The following MED13L variants were observed in gnomAD, a reference collection of about 807,000 sequenced individuals.
The protein encoded by MED13L is mediator of RNA polymerase II transcription subunit 13-like.
A neutral mutation model predicts 220.9 loss-of-function variants in MED13L; 7 were observed. The ratio of observed to expected loss-of-function variants is 0.03; its 90% CI spans 0.02 to 0.06. The LOEUF (loss-of-function observed/expected upper bound fraction) is 0.06. Among genes scored for constraint, MED13L ranks in the 10% least tolerant of loss-of-function variants. The pLI is 1.00. For synonymous variants in MED13L, 1,011 were observed against 1,015.2 expected (o/e 1.00, Z 0.08); for missense variants, 1,965 against 2,760.5 (o/e 0.71, Z 6.46).
chr12:116,017,278 A>G lies in MED13L; in HGVS notation c.1009+1946T>C, dbSNP rs573845182. On this transcript the variant is annotated intron_variant, in intron 7 of 30. Coordinates refer to ENST00000281928, the MANE Select transcript of MED13L (RefSeq NM_015335.5). ...CTCTTGTTTCTGAATTATGACTATT[A>G]AGAGTTCTGAACTGACCAGAGGTCA... Among the ~76,000 whole-genome samples, 303 of 152,336 alleles carry G rather than the reference A, an allele frequency of 2.0e-3. 3 individuals carry two copies. Among genetic ancestry groups the G allele is most frequent in the Middle Eastern group, 0.01 (3 of 294 alleles).
intron 4 of MED13L, among the ~76,000 whole-genome samples, chr12:116,090,825 A>G (rs1872136893): frequency 6.6e-6 from 1 of 152,200 alleles, no homozygotes; most frequent in Non-Finnish European, 1.5e-5. Flanking sequence ...TCTCCAGTAT[A>G]TTAAAAAACA....
At chr12:116,045,430 T>C (rs368326159) in intron 4 of MED13L, among the ~76,000 whole-genome samples, 3 of 152,316 alleles carry the variant, frequency 2.0e-5, no homozygotes, top group Admixed American at 6.5e-5. Context: ...TAGCAGAGGC[T>C]GTACTCGGCT....
At chr12:116,126,228 A>G (rs1875574530) in intron 2 of MED13L, among the ~76,000 whole-genome samples, 1 of 152,218 alleles carries the variant, frequency 6.6e-6, no homozygotes, top group Non-Finnish European at 1.5e-5. Flanking sequence ...CAATATGAAA[A>G]CTGCAAGTCC....
chr12:116,165,014 T>G (rs981607873), intron 2 of MED13L, among the ~76,000 whole-genome samples: 1 of 152,212 alleles, frequency 6.6e-6, no homozygotes, highest in East Asian at 1.9e-4. Context: ...CAAAAGCATA[T>G]CTGCAATACA....
intron 4 of MED13L, among the ~76,000 whole-genome samples, chr12:116,053,069 A>G (rs1566032425): frequency 6.6e-6 from 1 of 152,192 alleles, no homozygotes; most frequent in Non-Finnish European, 1.5e-5. Flanking sequence ...GTCTTTCTGA[A>G]AGATTTACGG....
intron 2 of MED13L, among the ~76,000 whole-genome samples, chr12:116,198,099 C>T (rs1881757994): frequency 6.6e-6 from 1 of 152,042 alleles, no homozygotes; most frequent in African/African-American, 2.4e-5. Flanking sequence ...TGTTACTTTC[C>T]TTCCACACAC....
chr12:116,218,872 T>C (rs920820173), intron 2 of MED13L, among the ~76,000 whole-genome samples: 1 of 152,092 alleles, frequency 6.6e-6, no homozygotes, highest in Non-Finnish European at 1.5e-5. Context: ...CAGCTGGAAT[T>C]ACAGGCATGT....
At chr12:116,276,140 G>T (rs1264751325) in intron 1 of MED13L, among the ~76,000 whole-genome samples, 1 of 152,156 alleles carries the variant, frequency 6.6e-6, no homozygotes, top group African/African-American at 2.4e-5. Flanking sequence ...TCTAGACACC[G>T]TCGGCGGGTG....
chr12:116,149,986 C>T (rs895797288), intron 2 of MED13L, among the ~76,000 whole-genome samples: 2 of 152,076 alleles, frequency 1.3e-5, no homozygotes, highest in African/African-American at 4.8e-5. Context: ...TTTAATGTAT[C>T]CATTTTTAAT....
chr12:115,994,489 A>G (rs187879598), intron 16 of MED13L, among the ~76,000 whole-genome samples: 59 of 152,254 alleles, frequency 3.9e-4, no homozygotes, highest in Admixed American at 3.4e-3. Context: ...AAACAAAAAC[A>G]AAACCTTCAT....
chr12:116,072,023 C>G (rs975017311), intron 4 of MED13L, among the ~76,000 whole-genome samples: 2 of 152,198 alleles, frequency 1.3e-5, no homozygotes, highest in Non-Finnish European at 2.9e-5. Context: ...TGGATGTTGC[C>G]TAAACAATCC....
In MED13L at chr12:115,997,287, A is replaced by G. The variant is rs148768965; in HGVS notation, c.2570-57T>C. 235 of 1,466,410 alleles carry G rather than the reference A, an allele frequency of 1.6e-4. No individual in the cohort carries two copies. In the East Asian group the frequency reaches 4.6e-3, roughly 29 times the overall value. 90.8% of individuals were successfully genotyped at this position (1,466,410 alleles called of 1,614,324 possible). A position where few individuals can be genotyped will look rare whatever the true frequency, so the allele number is the denominator to read the frequency against. On this transcript the variant is annotated intron_variant, in intron 14 of 30. Transcript: ENST00000281928. ...ATAGGAAGGGCTTCTAAAAAGTCCT[A>G]GCTTATAGCCAGGCGCACTCTTTGG...
chr12:116,111,061 A>G (rs1018658262), intron 3 of MED13L, among the ~76,000 whole-genome samples: 4 of 152,156 alleles, frequency 2.6e-5, no homozygotes, highest in Non-Finnish European at 5.9e-5. Context: ...TCAATGTTAC[A>G]TTTCCTAATT....
intron 2 of MED13L, among the ~76,000 whole-genome samples, chr12:116,126,159 C>G (rs1236065682): frequency 2.0e-5 from 3 of 152,122 alleles, no homozygotes; most frequent in Admixed American, 2.0e-4. Context: ...CCAACACTGC[C>G]AATATTTTTA....
intron 29 of MED13L, among the ~76,000 whole-genome samples, chr12:115,965,822 T>C (rs1876116658): frequency 6.6e-6 from 1 of 152,158 alleles, no homozygotes; most frequent in Non-Finnish European, 1.5e-5. Context: ...CATGCATCCA[T>C]CCTAGATTTA....
chr12:116,008,870 A>T lies in MED13L; in HGVS notation c.1543T>A (p.Ser515Thr), dbSNP rs777986630. The change falls in exon 10 of 31, where the codon TCC (serine) becomes ACC (threonine). Residue 515 changes from serine to threonine, a missense_variant. Ser to Thr is a moderately conservative substitution (Grantham distance 58). Transcript: ENST00000281928. The part of the protein sequence containing the change: ...GQKLGLAGID[S>T]SLEVSSSRKY... Reference sequence around the variant, plus strand: ...CTACTGCTAGACACCTCTAAGGAGGAGTCTATCCCTGCCAACCCTAGTTTC... The same window carrying T: ...CTACTGCTAGACACCTCTAAGGAGGTGTCTATCCCTGCCAACCCTAGTTTC... The T allele has an allele frequency of 7.4e-6, 12 of 1,613,902 alleles. No homozygotes were observed. The highest frequency in any genetic ancestry group is 1.0e-5 in the Non-Finnish European group (12 of 1,179,976).
chr12:115,983,092 T>A, intron 21 of MED13L, 25 bp downstream of exon 21: 1 of 1,611,940 alleles, frequency 6.2e-7, no homozygotes, highest in South Asian at 1.1e-5. Flanking sequence ...CTGAAGCCAC[T>A]CATCTCAATT....
intron 7 of MED13L, among the ~76,000 whole-genome samples, chr12:116,018,862 ACT>A (rs1231288349): frequency 6.6e-6 from 1 of 150,844 alleles, no homozygotes; most frequent in Non-Finnish European, 1.5e-5. Flanking sequence ...GGCTTCAGCT[ACT>A]CTCTGATTTA....
At chr12:116,260,956 G>A (rs1872470588) in intron 1 of MED13L, among the ~76,000 whole-genome samples, 1 of 152,162 alleles carries the variant, frequency 6.6e-6, no homozygotes, top group Non-Finnish European at 1.5e-5. Flanking sequence ...GCCAACTGCT[G>A]TTAGGTTACC....
Sources: gnomAD v4.1 joint callset for allele counts (sites outside exome capture counted in the v4.1 genomes callset) on GRCh38, gnomAD v4.1.1 for gene constraint, MANE v1.5 for transcripts, NCBI Gene and HGNC (gene_info 2026-07-23, HGNC 2026-07-21) for gene names.